The following PXT1 variants were observed in gnomAD, a reference collection of about 807,000 sequenced individuals.
PXT1 encodes peroxisomal testis enriched protein 1.
In PXT1, 11 loss-of-function variants were observed where a neutral mutation model predicts 11.0. The observed-to-expected ratio is 1.00, with a 90% CI of 0.63 to 1.66. The LOEUF (loss-of-function observed/expected upper bound fraction) is 1.66, where lower values mean the gene tolerates loss of function less well. Among genes scored for constraint, PXT1 ranks in the 40% most tolerant of loss-of-function variants. The probability of loss-of-function intolerance (pLI) is 0.00; values close to 1 mark genes in which losing one functional copy is unlikely to be tolerated. For missense variants in PXT1, 141 were observed against 155.5 expected, an observed-to-expected ratio of 0.91 and a Z score of 0.49; for synonymous variants, 43 against 51.4, an observed-to-expected ratio of 0.84 and a Z score of 0.70.
chr6:36,438,922 TC>T lies in PXT1; in HGVS notation c.-129-37del, dbSNP rs1431126996. ...AGAGAGGGGGATGAAAAGTAAATTA[TC>T]CCCTTGGGCTTGCGAAATAAAGTTT... On this transcript the variant is annotated intron_variant, in intron 1 of 4. Coordinates refer to ENST00000454782, the MANE Select transcript of PXT1 (RefSeq NM_152990.4). 6 of 152,302 alleles carry T rather than the reference TC, an allele frequency of 3.9e-5. No individual in the cohort carries two copies. In the East Asian group the frequency reaches 1.2e-3, roughly 29 times the overall value. 9.4% of individuals were successfully genotyped at this position (152,302 alleles called of 1,614,324 possible). A position where few individuals can be genotyped will look rare whatever the true frequency, so the allele number is the denominator to read the frequency against.
chr6:36,414,321 T>C (rs1205178961), intron 3 of PXT1, among the ~76,000 whole-genome samples: 2 of 152,064 alleles, frequency 1.3e-5, no homozygotes, highest in African/African-American at 2.4e-5. Context: ...GTGGAAGTGA[T>C]TGTATGGTTT....
intron 2 of PXT1, among the ~76,000 whole-genome samples, chr6:36,427,313 G>A (rs1774622960): frequency 7.4e-6 from 1 of 134,444 alleles, no homozygotes; most frequent in East Asian, 2.3e-4. Flanking sequence ...ATTATGACTT[G>A]TTGTCTTCCT....
chr6:36,425,119 A>G (rs1774584119), intron 3 of PXT1, among the ~76,000 whole-genome samples: 3 of 152,228 alleles, frequency 2.0e-5, no homozygotes, highest in Admixed American at 6.5e-5. Flanking sequence ...ATGCTCTTCA[A>G]AACATAAAAC....
chr6:36,430,449 T>C (rs1335183904), intron 2 of PXT1, among the ~76,000 whole-genome samples: 1 of 152,068 alleles, frequency 6.6e-6, no homozygotes, highest in Non-Finnish European at 1.5e-5. Flanking sequence ...CCCAACCTAA[T>C]CATATAATCC....
chr6:36,410,506 AAGAAAGAGAG>A (rs1262753078), intron 3 of PXT1, among the ~76,000 whole-genome samples: 1 of 151,770 alleles, frequency 6.6e-6, no homozygotes, highest in Admixed American at 6.6e-5. Context: ...GAGAGGAAGG[AAGAAAGAGAG>A]AGAAAGAGAA....
At chr6:36,421,837 C>T (rs574829370) in intron 3 of PXT1, among the ~76,000 whole-genome samples, 2 of 152,282 alleles carry the variant, frequency 1.3e-5, no homozygotes, top group East Asian at 3.9e-4. Context: ...TTGGTCCAAC[C>T]TCCTTACTCT....
intron 4 of PXT1, among the ~76,000 whole-genome samples, chr6:36,392,264 C>A (rs1194405726): frequency 3.9e-5 from 6 of 152,174 alleles, no homozygotes. Flanking sequence ...AACTGGGGCT[C>A]ATCAGTAAAT....
rs79074355 is a variant in PXT1 at position 36,432,696 on chromosome 6, A to G, written c.-10+6071T>C. Among the ~76,000 whole-genome samples, 487 of 152,324 alleles carry G rather than the reference A, an allele frequency of 3.2e-3. 1 individual carries two copies. The highest frequency in any genetic ancestry group is 0.011 in the African/African-American group (465 of 41,566). On this transcript the variant is annotated intron_variant, in intron 2 of 4. Coordinates refer to ENST00000454782, the MANE Select transcript of PXT1 (RefSeq NM_152990.4). ...CACTTGTTTGAAAATCTGTTTAAGA[A>G]GTAGTCAGGTCTCCCAGAGCCCCAC... is the stretch of plus-strand genomic sequence containing the variant.
intron 3 of PXT1, among the ~76,000 whole-genome samples, chr6:36,405,020 A>G (rs1243213969): frequency 6.6e-6 from 1 of 152,184 alleles, no homozygotes; most frequent in Non-Finnish European, 1.5e-5. Context: ...GTATTCCAGA[A>G]GAAGGCATTG....
intron 3 of PXT1, 109 bp downstream of exon 3, chr6:36,425,805 A>AAACAAACAAAAAAAAAAAAAAT (rs1554154141): frequency 6.5e-5 from 21 of 321,574 alleles, no homozygotes; most frequent in African/African-American, 4.6e-4. Flanking sequence ...AAAAACAAAA[A>AAACAAACAAAAAAAAAAAAAAT]ATATATATAT....
At chr6:36,432,912 G>T (rs1258005794) in intron 2 of PXT1, among the ~76,000 whole-genome samples, 3 of 151,134 alleles carry the variant, frequency 2.0e-5, no homozygotes, top group Admixed American at 6.6e-5. Flanking sequence ...TCATAACCAG[G>T]TTCTACTCTC....
At chr6:36,437,389 A>G (rs915921017) in intron 2 of PXT1, among the ~76,000 whole-genome samples, 1 of 152,262 alleles carries the variant, frequency 6.6e-6, no homozygotes, top group East Asian at 1.9e-4. Context: ...CCACAAAAAA[A>G]TTGTCCTACA....
intron 3 of PXT1, among the ~76,000 whole-genome samples, chr6:36,422,392 G>A (rs987677347): frequency 5.9e-5 from 9 of 152,166 alleles, no homozygotes; most frequent in African/African-American, 9.7e-5. Context: ...CATGTCAGGG[G>A]TTGCATCTTG....
At chr6:36,398,354 A>G (rs1229054945) in intron 4 of PXT1, among the ~76,000 whole-genome samples, 2 of 152,198 alleles carry the variant, frequency 1.3e-5, no homozygotes, top group Non-Finnish European at 2.9e-5. Flanking sequence ...ATTTCACATG[A>G]CCCAGCAATT....
intron 3 of PXT1, among the ~76,000 whole-genome samples, chr6:36,417,116 C>T (rs1774460149): frequency 1.3e-5 from 2 of 152,128 alleles, no homozygotes; most frequent in South Asian, 4.1e-4. Flanking sequence ...GAGGCCGAGG[C>T]GGGCAGATCA....
chr6:36,396,990 C>CG (rs1774153614), intron 4 of PXT1, among the ~76,000 whole-genome samples: 1 of 151,528 alleles, frequency 6.6e-6, no homozygotes, highest in Non-Finnish European at 1.5e-5. Context: ...GCTACTCTCT[C>CG]CAGGGCCTCC....
At chr6:36,410,690 A>C (rs989246752) in intron 3 of PXT1, among the ~76,000 whole-genome samples, 1 of 152,224 alleles carries the variant, frequency 6.6e-6, no homozygotes, top group African/African-American at 2.4e-5. Flanking sequence ...CCTGTGGTGA[A>C]AGCAGAAGCT....
chr6:36,434,876 A>C (rs1052041470), intron 2 of PXT1, among the ~76,000 whole-genome samples: 2 of 152,252 alleles, frequency 1.3e-5, no homozygotes, highest in Non-Finnish European at 2.9e-5. Context: ...TTTAACTAAA[A>C]CAATAAAATG....
chr6:36,392,145 G>A (rs780600014), intron 4 of PXT1, among the ~76,000 whole-genome samples: 3 of 151,880 alleles, frequency 2.0e-5, no homozygotes, highest in Admixed American at 6.6e-5. Flanking sequence ...CTCCCACCTC[G>A]GCCTCCCCAG....
Sources: gnomAD v4.1 joint callset for allele counts (sites outside exome capture counted in the v4.1 genomes callset) on GRCh38, gnomAD v4.1.1 for gene constraint, MANE v1.5 for transcripts, NCBI Gene and HGNC (gene_info 2026-07-23, HGNC 2026-07-21) for gene names.